IQGAP2: variants seen among roughly 807,000 people sequenced by gnomAD.
The protein encoded by IQGAP2 is ras GTPase-activating-like protein IQGAP2.
Under a neutral mutation model 201.3 loss-of-function variants are expected in IQGAP2, and 173 were observed. The ratio of observed to expected loss-of-function variants is 0.86; its 90% CI spans 0.76 to 0.98. The LOEUF is 0.98. Among genes scored for constraint, IQGAP2 ranks in the 50% least tolerant of loss-of-function variants. IQGAP2 has a pLI of 0.00. For missense variants in IQGAP2, 1,687 were observed against 1,864.8 expected, an observed-to-expected ratio of 0.90 and a Z score of 1.76; for synonymous variants, 675 against 673.9, an observed-to-expected ratio of 1.00 and a Z score of -0.03.
In IQGAP2 at chr5:76,631,845, T is replaced by G. The variant is rs901035274; in HGVS notation, c.1613-14T>G. ...GATAACCATTAACAAGAAACTTTTTTTTCAATTACCCAGGGGTTACTCTGG... is the reference window on the plus strand; with the variant it reads ...GATAACCATTAACAAGAAACTTTTTGTTCAATTACCCAGGGGTTACTCTGG... On this transcript the variant is annotated splice_polypyrimidine_tract_variant and intron_variant, in intron 14 of 35. Coordinates refer to ENST00000274364, the MANE Select transcript of IQGAP2 (RefSeq NM_006633.5). 1.3e-6 allele frequency: 2 copies of G among 1,541,154 alleles called. No homozygotes were observed. The highest frequency in any genetic ancestry group is 1.8e-6 in the Non-Finnish European group (2 of 1,141,302).
At chr5:76,692,886 A>G (rs975724413) in intron 30 of IQGAP2, among the ~76,000 whole-genome samples, 1 of 152,192 alleles carries the variant, frequency 6.6e-6, no homozygotes, top group African/African-American at 2.4e-5. Context: ...ATAGTAGGAA[A>G]GGTAACAGTT....
intron 14 of IQGAP2, among the ~76,000 whole-genome samples, chr5:76,631,517 C>A (rs539980172): frequency 3.3e-4 from 51 of 152,276 alleles, no homozygotes; most frequent in Non-Finnish European, 7.2e-4. Flanking sequence ...TTCTCAAATA[C>A]ATGCTAATGC....
In IQGAP2 at chr5:76,683,203, T is replaced by G. The variant is rs747772958; in HGVS notation, c.3749T>G (p.Val1250Gly). Residue 1250 changes from valine to glycine, a missense_variant, in exon 29 of 36, where the codon GTG becomes GGG. Physicochemically the swap from Val to Gly is moderately radical, Grantham distance 109 (BLOSUM62 -3). Transcript: ENST00000274364. Reference sequence around the variant, plus strand: ...GGGTCGCTGGGAGAGGTGCCAACCGTGGAATCTTTTCTTGGTAAGAGCTTG... The same window carrying G: ...GGGTCGCTGGGAGAGGTGCCAACCGGGGAATCTTTTCTTGGTAAGAGCTTG... ...LLGSLGEVPT[V>G]ESFLGEGAVD... The G allele has an allele frequency of 1.9e-6, 3 of 1,610,818 alleles. No homozygotes were observed. Among genetic ancestry groups the G allele is most frequent in the Non-Finnish European group, 2.5e-6 (3 of 1,178,394 alleles).
intron 4 of IQGAP2, among the ~76,000 whole-genome samples, chr5:76,572,303 T>C (rs1745169026): frequency 6.7e-6 from 1 of 149,010 alleles, no homozygotes. Context: ...AACCTCCGCC[T>C]CCCAGGTTCA....
intron 2 of IQGAP2, among the ~76,000 whole-genome samples, chr5:76,537,492 T>C (rs1208538644): frequency 6.6e-6 from 1 of 152,138 alleles, no homozygotes; most frequent in East Asian, 1.9e-4. Flanking sequence ...CAACTATTTT[T>C]TTTTTTTTTT....
At chr5:76,496,729 C>T (rs10076887) in intron 2 of IQGAP2, among the ~76,000 whole-genome samples, 1,848 of 30,956 alleles carry the variant, frequency 0.06, 28 homozygotes, top group Non-Finnish European at 0.07. Context: ...TCTTTCTTTT[C>T]TTTCTTTCTT....
chr5:76,507,792 A>T (rs1757691060), intron 2 of IQGAP2, among the ~76,000 whole-genome samples: 1 of 151,514 alleles, frequency 6.6e-6, no homozygotes, highest in African/African-American at 2.4e-5. Context: ...CAGGCGGATC[A>T]TAAGGTCAGG....
intron 1 of IQGAP2, among the ~76,000 whole-genome samples, chr5:76,430,531 C>G (rs368473898): frequency 6.6e-6 from 1 of 152,286 alleles, no homozygotes; most frequent in Admixed American, 6.5e-5. Context: ...CAAGAGACCA[C>G]GTGGAAGCTG....
chr5:76,523,866 G>A (rs1010239578), intron 2 of IQGAP2, among the ~76,000 whole-genome samples: 11 of 152,162 alleles, frequency 7.2e-5, no homozygotes, highest in East Asian at 3.9e-4. Context: ...ATCCTGATTC[G>A]GGTGATTATC....
At chr5:76,440,404 T>TA (rs1752958982) in intron 1 of IQGAP2, among the ~76,000 whole-genome samples, 3 of 152,198 alleles carry the variant, frequency 2.0e-5, no homozygotes, top group Admixed American at 2.0e-4. Context: ...TTTTTAAAAG[T>TA]AAAATTTTAA....
intron 10 of IQGAP2, 72 bp from the exon 11 acceptor site, chr5:76,600,740 C>T (rs1747375694): frequency 6.5e-7 from 1 of 1,532,082 alleles, no homozygotes; most frequent in East Asian, 2.3e-5. Context: ...TTGAAATGTG[C>T]ATTGTAAACC....
intron 1 of IQGAP2, among the ~76,000 whole-genome samples, chr5:76,431,567 G>C (rs908279370): frequency 4.6e-5 from 7 of 152,072 alleles, no homozygotes; most frequent in Non-Finnish European, 1.0e-4. Context: ...GCTCATGCCT[G>C]TAATCCCAAC....
At chr5:76,464,471 A>C (rs945827390) in intron 2 of IQGAP2, among the ~76,000 whole-genome samples, 1 of 152,170 alleles carries the variant, frequency 6.6e-6, no homozygotes, top group Non-Finnish European at 1.5e-5. Flanking sequence ...TGTACTGTAT[A>C]TATTCATCTA....
intron 13 of IQGAP2, among the ~76,000 whole-genome samples, chr5:76,613,443 A>T (rs754896257): frequency 6.6e-6 from 1 of 152,214 alleles, no homozygotes; most frequent in Non-Finnish European, 1.5e-5. Flanking sequence ...TTATTTTTGC[A>T]TGTATAAAAT....
intron 2 of IQGAP2, among the ~76,000 whole-genome samples, chr5:76,559,845 C>A (rs1163642524): frequency 6.6e-6 from 1 of 152,098 alleles, no homozygotes; most frequent in Non-Finnish European, 1.5e-5. Flanking sequence ...ACATAGTCCC[C>A]ACTGAGTGTG....
chr5:76,458,429 T>C (rs1354401717), intron 1 of IQGAP2, among the ~76,000 whole-genome samples: 2 of 152,228 alleles, frequency 1.3e-5, no homozygotes, highest in Non-Finnish European at 2.9e-5. Flanking sequence ...TATTGAGTAA[T>C]GCAGAAATAT....
intron 1 of IQGAP2, among the ~76,000 whole-genome samples, 191 bp from the exon 2 acceptor site, chr5:76,461,379 A>AT (rs905272646): frequency 8.6e-5 from 13 of 151,330 alleles, no homozygotes; most frequent in African/African-American, 2.7e-4. Context: ...AAAAAAAAAA[A>AT]AATAAAAATA....
intron 2 of IQGAP2, among the ~76,000 whole-genome samples, chr5:76,503,174 C>CTTTTTTTTTTTTTTTTTTTTTTTT (rs11297908): frequency 1.8e-4 from 20 of 109,342 alleles, no homozygotes; most frequent in Non-Finnish European, 2.3e-4. Context: ...CTTTTCTTTT[C>CTTTTTTTTTTTTTTTTTTTTTTTT]TTTTTTTTTT....
intron 17 of IQGAP2, among the ~76,000 whole-genome samples, chr5:76,646,318 A>C (rs1400936714): frequency 6.6e-6 from 1 of 152,330 alleles, no homozygotes; most frequent in Non-Finnish European, 1.5e-5. Flanking sequence ...CCCATGGGGT[A>C]GCATTTTCTA....
Sources: allele counts gnomAD v4.1 joint callset (sites outside exome capture counted in the v4.1 genomes callset), GRCh38; gene constraint gnomAD v4.1.1; transcripts MANE v1.5; gene names NCBI Gene and HGNC (gene_info 2026-07-23, HGNC 2026-07-21).